The following STAC variants were observed in gnomAD, a reference collection of about 807,000 sequenced individuals.
The protein encoded by STAC is SH3 and cysteine-rich domain-containing protein.
In STAC, 43 loss-of-function variants were observed where a neutral mutation model predicts 48.8. The ratio of observed to expected loss-of-function variants is 0.88; its 90% confidence interval spans 0.69 to 1.14. STAC has a LOEUF of 1.14. STAC is among the 50% of genes most tolerant of loss of function. The pLI is 0.00. For missense variants in STAC, 497 were observed against 504.0 expected (o/e 0.99, Z 0.13); for synonymous variants, 193 against 179.5 (o/e 1.07, Z -0.60).
intron 8 of STAC, among the ~76,000 whole-genome samples, chr3:36,522,366 T>G (rs1211119789): frequency 6.6e-6 from 1 of 152,214 alleles, no homozygotes; most frequent in East Asian, 1.9e-4. Context: ...GTCTTTACAA[T>G]AACAGCCACC....
At chr3:36,502,932 A>C (rs768546097) in intron 6 of STAC, among the ~76,000 whole-genome samples, 5 of 152,208 alleles carry the variant, frequency 3.3e-5, no homozygotes, top group Admixed American at 6.5e-5. Flanking sequence ...AAACTCTGGA[A>C]CTATAAGCCA....
intron 5 of STAC, among the ~76,000 whole-genome samples, chr3:36,486,959 T>G (rs955949721): frequency 6.6e-6 from 1 of 152,264 alleles, no homozygotes; most frequent in Non-Finnish European, 1.5e-5. Context: ...CCAGTTCACA[T>G]GGCCACTTAG....
At chr3:36,430,529 T>A (rs1364857051) in intron 1 of STAC, among the ~76,000 whole-genome samples, 1 of 152,198 alleles carries the variant, frequency 6.6e-6, no homozygotes, top group East Asian at 1.9e-4. Context: ...CTAAATACAT[T>A]TGCCTGTGCA....
chr3:36,395,507 G>A (rs1332766835), intron 1 of STAC, among the ~76,000 whole-genome samples: 4 of 152,186 alleles, frequency 2.6e-5, no homozygotes, highest in African/African-American at 9.7e-5. Context: ...GTTGGGATCA[G>A]GAGGTCCCTT....
chr3:36,508,541 T>C (rs916886207), intron 8 of STAC, among the ~76,000 whole-genome samples: 5 of 152,152 alleles, frequency 3.3e-5, no homozygotes, highest in Admixed American at 6.5e-5. Context: ...CCCACTATTA[T>C]TGTATGGGAG....
chr3:36,505,861 A>T, intron 8 of STAC, 27 bp downstream of exon 8: 1 of 1,509,488 alleles, frequency 6.6e-7, no homozygotes, highest in Non-Finnish European at 9.1e-7. Flanking sequence ...AAGAAAAAAA[A>T]GAGTAAAATT....
chr3:36,540,051 C>A (rs574542716), intron 10 of STAC, among the ~76,000 whole-genome samples: 2 of 152,038 alleles, frequency 1.3e-5, no homozygotes, highest in South Asian at 4.2e-4. Flanking sequence ...GGAGGGCCAG[C>A]GTCAGAGAAG....
At chr3:36,482,535 C>G (rs1484798635) in intron 2 of STAC, among the ~76,000 whole-genome samples, 1 of 152,218 alleles carries the variant, frequency 6.6e-6, no homozygotes, top group Non-Finnish European at 1.5e-5. Context: ...CAGCCCCACT[C>G]TCACACAGAC....
chr3:36,402,191 C>A (rs1700010611), intron 1 of STAC, among the ~76,000 whole-genome samples: 1 of 151,844 alleles, frequency 6.6e-6, no homozygotes, highest in African/African-American at 2.4e-5. Context: ...CTATTCCCTA[C>A]AAAGCCAAAG....
At chr3:36,417,939 A>G (rs968656443) in intron 1 of STAC, among the ~76,000 whole-genome samples, 2 of 152,194 alleles carry the variant, frequency 1.3e-5, no homozygotes, top group African/African-American at 4.8e-5. Context: ...ACATTTTCCT[A>G]GAGAGGTTAT....
intron 2 of STAC, among the ~76,000 whole-genome samples, chr3:36,467,398 G>C (rs1236954828): frequency 6.6e-6 from 1 of 152,000 alleles, no homozygotes; most frequent in East Asian, 1.9e-4. Context: ...TCCGTCTTTT[G>C]GAATAGTGTC....
intron 2 of STAC, among the ~76,000 whole-genome samples, chr3:36,463,491 A>T (rs2125685645): frequency 1.3e-5 from 2 of 149,750 alleles, no homozygotes; most frequent in South Asian, 4.3e-4. Flanking sequence ...ATTTTTTTTA[A>T]TTTTTTTTGG....
chr3:36,425,972 C>A (rs1700554719), intron 1 of STAC, among the ~76,000 whole-genome samples: 1 of 152,104 alleles, frequency 6.6e-6, no homozygotes, highest in Non-Finnish European at 1.5e-5. Flanking sequence ...GCAGAGGTTG[C>A]AGTAAGCTGA....
In STAC at chr3:36,522,621, A is replaced by G. The variant is rs140531553; in HGVS notation, c.921-6075A>G. Among the ~76,000 whole-genome samples the G allele has an allele frequency of 6.1e-4, 93 of 152,320 alleles. 1 individual carries two copies. In the East Asian group the frequency reaches 0.017, roughly 28 times the overall value. On this transcript the variant is annotated intron_variant, in intron 8 of 10. Transcript: ENST00000273183. Reference sequence around the variant, plus strand: ...ATGAGCAGAAATGGAGGAGTGAGACAAGACTCCTTTTCTTTGAATTTTAAA... The same window carrying G: ...ATGAGCAGAAATGGAGGAGTGAGACGAGACTCCTTTTCTTTGAATTTTAAA...
At chr3:36,478,061 G>A (rs1296880658) in intron 2 of STAC, among the ~76,000 whole-genome samples, 1 of 152,160 alleles carries the variant, frequency 6.6e-6, no homozygotes, top group Non-Finnish European at 1.5e-5. Flanking sequence ...TGCTTCTTCT[G>A]TCATTTATTT....
At chr3:36,518,584 G>T (rs375340540) in intron 8 of STAC, among the ~76,000 whole-genome samples, 250 of 152,180 alleles carry the variant, frequency 1.6e-3, no homozygotes, top group African/African-American at 5.7e-3. Flanking sequence ...CTTTTGTAAC[G>T]CCAAGTGCAA....
chr3:36,393,944 T>A (rs1699802709), intron 1 of STAC, among the ~76,000 whole-genome samples: 1 of 151,598 alleles, frequency 6.6e-6, no homozygotes, highest in Non-Finnish European at 1.5e-5. Context: ...AGGGCATGAG[T>A]TGTGTGAAGA....
At chr3:36,384,707 AGCAT>A (rs1324903889) in intron 1 of STAC, among the ~76,000 whole-genome samples, 1 of 152,258 alleles carries the variant, frequency 6.6e-6, no homozygotes, top group African/African-American at 2.4e-5. Flanking sequence ...TAGACTCACC[AGCAT>A]GTGATTTAGA....
At chr3:36,398,851 A>G (rs560663810) in intron 1 of STAC, among the ~76,000 whole-genome samples, 1 of 152,302 alleles carries the variant, frequency 6.6e-6, no homozygotes, top group Admixed American at 6.5e-5. Flanking sequence ...CAGATTTTCT[A>G]TCATCCCTTA....
Sources: gnomAD v4.1 joint callset for allele counts (sites outside exome capture counted in the v4.1 genomes callset) on GRCh38, gnomAD v4.1.1 for gene constraint, MANE v1.5 for transcripts, NCBI Gene and HGNC (gene_info 2026-07-23, HGNC 2026-07-21) for gene names.